The following AFG1L variants were observed in gnomAD, a reference collection of about 807,000 sequenced individuals.
AFG1L encodes AFG1 like ATPase.
A neutral mutation model predicts 62.2 loss-of-function variants in AFG1L; 53 were observed. That is an observed-to-expected ratio of 0.85 (90% CI 0.68 to 1.07). The LOEUF (loss-of-function observed/expected upper bound fraction) is 1.07. Ranked by LOEUF, AFG1L falls within the 50% of genes least tolerant of loss-of-function variation. AFG1L has a pLI of 0.00. For synonymous variants in AFG1L, 228 were observed against 210.3 expected, an observed-to-expected ratio of 1.08 and a Z score of -0.73; for missense variants, 555 against 590.5, an observed-to-expected ratio of 0.94 and a Z score of 0.62.
chr6:108,369,422 C>T (rs1582453676), intron 6 of AFG1L, among the ~76,000 whole-genome samples: 1 of 152,160 alleles, frequency 6.6e-6, no homozygotes, highest in African/African-American at 2.4e-5. Flanking sequence ...TCTTTTTACA[C>T]ATTGTTTTCT....
At position 108,298,763 on chromosome 6, in the gene AFG1L, C is replaced by A. The variant is rs1298477252; in HGVS notation, c.139+3545C>A. 2.6e-5 allele frequency among the ~76,000 whole-genome samples: 4 copies of A among 152,244 alleles called. No homozygotes were observed. In the East Asian group the frequency reaches 7.7e-4, roughly 29 times the overall value. ...TTCTCAGGAATAGAAGTGATCAGAT[C>A]TATTTTAGCATGATTTCTCTTGTGG... On this transcript the variant is annotated intron_variant, in intron 1 of 12. Transcript: ENST00000368977.
chr6:108,515,343 A>T (rs1008589255), intron 11 of AFG1L, among the ~76,000 whole-genome samples: 5 of 152,202 alleles, frequency 3.3e-5, no homozygotes, highest in African/African-American at 1.2e-4. Context: ...GGATTAAGAA[A>T]CTCACTCAAA....
chr6:108,413,041 C>T (rs1449634607), intron 7 of AFG1L, among the ~76,000 whole-genome samples: 1 of 152,020 alleles, frequency 6.6e-6, no homozygotes, highest in Non-Finnish European at 1.5e-5. Flanking sequence ...CAGAGACACA[C>T]ATGGGCTCAA....
intron 8 of AFG1L, among the ~76,000 whole-genome samples, chr6:108,471,468 C>CTTTTTTTTT (rs56375345): frequency 1.0e-5 from 1 of 100,352 alleles, no homozygotes. Context: ...TGTTCTTCTT[C>CTTTTTTTTT]TTTTTTTTTT....
intron 1 of AFG1L, among the ~76,000 whole-genome samples, chr6:108,312,030 A>C (rs1291361656): frequency 1.3e-5 from 2 of 151,960 alleles, no homozygotes; most frequent in East Asian, 3.9e-4. Context: ...ATGCCCGACT[A>C]ATTTTTGTAT....
At position 108,522,612 on chromosome 6, in the gene AFG1L, C is replaced by G. The variant is rs1775167956; in HGVS notation, c.*187C>G. 2.1e-6 allele frequency: 1 copy of G among 473,940 alleles called. No individual in the cohort carries two copies. The highest frequency in any genetic ancestry group is 2.0e-5 in the African/African-American group (1 of 50,586). The allele number at this position is 473,940 out of a possible 1,614,324, so 29.4% of individuals were successfully genotyped here. The stretch of plus-strand genomic sequence containing the variant: ...GTTAAACACTTAACATTTTTTAGGT[C>G]TGCTTTTTCTTATTTGGCCTTATTT... On this transcript the variant is annotated 3_prime_UTR_variant, in exon 13 of 13. Coordinates refer to ENST00000368977, the MANE Select transcript of AFG1L (RefSeq NM_145315.5).
intron 7 of AFG1L, among the ~76,000 whole-genome samples, chr6:108,402,361 G>A (rs1257126231): frequency 6.6e-6 from 1 of 151,668 alleles, no homozygotes; most frequent in East Asian, 1.9e-4. Context: ...TACTTGGGGA[G>A]GCTGAGGCAG....
At chr6:108,297,519 A>G (rs1776811053) in intron 1 of AFG1L, among the ~76,000 whole-genome samples, 1 of 151,764 alleles carries the variant, frequency 6.6e-6, no homozygotes, top group Admixed American at 6.6e-5. Flanking sequence ...GTACATTTCT[A>G]TTTTACCTTC....
intron 10 of AFG1L, among the ~76,000 whole-genome samples, chr6:108,484,119 C>T (rs1282065197): frequency 6.6e-6 from 1 of 152,146 alleles, no homozygotes; most frequent in Non-Finnish European, 1.5e-5. Flanking sequence ...GTTGGGATGC[C>T]AACAGTGGTA....
chr6:108,456,776 C>T (rs1290973129), intron 8 of AFG1L, among the ~76,000 whole-genome samples: 1 of 152,022 alleles, frequency 6.6e-6, no homozygotes, highest in African/African-American at 2.4e-5. Flanking sequence ...AATGATGGAC[C>T]ATAGCATAGA....
chr6:108,309,692 C>G (rs538289233), intron 1 of AFG1L, among the ~76,000 whole-genome samples: 131 of 152,132 alleles, frequency 8.6e-4, no homozygotes, highest in Non-Finnish European at 1.6e-3. Context: ...TTTATGAAGT[C>G]TAAATACAGA....
chr6:108,498,414 A>T (rs1354494383), intron 10 of AFG1L, among the ~76,000 whole-genome samples: 2 of 152,332 alleles, frequency 1.3e-5, no homozygotes, highest in East Asian at 3.9e-4. Context: ...AGAATTTTTT[A>T]GTTAATCCAA....
chr6:108,397,916 AG>A (rs1781391584), intron 6 of AFG1L, among the ~76,000 whole-genome samples: 1 of 152,158 alleles, frequency 6.6e-6, no homozygotes, highest in Non-Finnish European at 1.5e-5. Context: ...AACAAACATG[AG>A]TGTGCTGATA....
chr6:108,369,670 G>A (rs957788399), intron 6 of AFG1L, among the ~76,000 whole-genome samples: 7 of 151,822 alleles, frequency 4.6e-5, no homozygotes, highest in African/African-American at 1.5e-4. Context: ...GGTGCAGTGC[G>A]CGATCTTGGT....
intron 11 of AFG1L, 150 bp downstream of exon 11, chr6:108,510,502 A>G (rs750459073): frequency 3.1e-6 from 2 of 640,276 alleles, no homozygotes; most frequent in Non-Finnish European, 2.6e-6. Context: ...GGATGATAAT[A>G]TTATTTACTT....
At chr6:108,515,329 CT>C (rs1397089141) in intron 11 of AFG1L, among the ~76,000 whole-genome samples, 1 of 152,148 alleles carries the variant, frequency 6.6e-6, no homozygotes, top group Non-Finnish European at 1.5e-5. Flanking sequence ...CAAACTAGAA[CT>C]CAGGATTAAG....
At chr6:108,398,828 A>G (rs1781428065) in intron 6 of AFG1L, among the ~76,000 whole-genome samples, 1 of 152,174 alleles carries the variant, frequency 6.6e-6, no homozygotes. Flanking sequence ...TTGTGCCAGT[A>G]CCATGCTGTT....
chr6:108,356,613 A>T, intron 4 of AFG1L, 77 bp from the exon 5 acceptor site: 1 of 1,029,404 alleles, frequency 9.7e-7, no homozygotes, highest in Non-Finnish European at 1.3e-6. Context: ...AGTTTCATTT[A>T]GAGATTTTAA....
chr6:108,421,632 C>A (rs976720211), intron 7 of AFG1L, among the ~76,000 whole-genome samples: 1 of 152,006 alleles, frequency 6.6e-6, no homozygotes, highest in African/African-American at 2.4e-5. Context: ...ACCCTGCACC[C>A]CCCCTGTCTG....
Sources: allele counts gnomAD v4.1 joint callset (sites outside exome capture counted in the v4.1 genomes callset), GRCh38; gene constraint gnomAD v4.1.1; transcripts MANE v1.5; gene names NCBI Gene and HGNC (gene_info 2026-07-23, HGNC 2026-07-21).